Variants in PTH2R observed in about 807,000 individuals in gnomAD.
PTH2R encodes the protein parathyroid hormone 2 receptor.
Under a neutral mutation model 60.3 loss-of-function variants are expected in PTH2R, and 59 were observed. The ratio of observed to expected loss-of-function variants is 0.98; its 90% CI spans 0.79 to 1.22. The LOEUF is 1.22. Ranked by LOEUF, PTH2R falls within the 50% of genes most tolerant of loss-of-function variation. The pLI is 0.00. For synonymous variants in PTH2R, 256 were observed against 243.8 expected (o/e 1.05, Z -0.47); for missense variants, 749 against 682.6 (o/e 1.10, Z -1.08).
At chr2:208,451,727 TCTAA>T (rs1702411332) in intron 8 of PTH2R, among the ~76,000 whole-genome samples, 1 of 152,208 alleles carries the variant, frequency 6.6e-6, no homozygotes, top group Non-Finnish European at 1.5e-5. Flanking sequence ...GGAATTTATC[TCTAA>T]CTGTGAGTCA....
chr2:208,462,938 G>T (rs1046315763), intron 9 of PTH2R, among the ~76,000 whole-genome samples: 1 of 152,192 alleles, frequency 6.6e-6, no homozygotes, highest in African/African-American at 2.4e-5. Context: ...ACAACCAAAG[G>T]TTTAGACATT....
At chr2:208,362,838 GT>G (rs1700504753) in intron 1 of PTH2R, among the ~76,000 whole-genome samples, 1 of 2,898 alleles carries the variant, frequency 3.5e-4, no homozygotes, top group Non-Finnish European at 7.6e-3. Flanking sequence ...ACACTTATTA[GT>G]GTGTGTGTGT....
chr2:208,383,706 C>A (rs1481009351), intron 1 of PTH2R, among the ~76,000 whole-genome samples: 4 of 152,144 alleles, frequency 2.6e-5, no homozygotes, highest in Non-Finnish European at 5.9e-5. Context: ...CGATTACCAG[C>A]CAATAGTTGA....
chr2:208,457,392 A>C (rs894216486), intron 8 of PTH2R, among the ~76,000 whole-genome samples: 3 of 152,236 alleles, frequency 2.0e-5, no homozygotes, highest in Non-Finnish European at 4.4e-5. Context: ...AAGACAATTG[A>C]ATATGTGCAT....
At chr2:208,443,129 G>A (rs1702220101) in intron 5 of PTH2R, among the ~76,000 whole-genome samples, 1 of 152,184 alleles carries the variant, frequency 6.6e-6, no homozygotes, top group African/African-American at 2.4e-5. Flanking sequence ...ATCTAGGGAT[G>A]ATTTAAAGTA....
At chr2:208,445,216 T>A (rs1702265908) in intron 7 of PTH2R, among the ~76,000 whole-genome samples, 1 of 152,190 alleles carries the variant, frequency 6.6e-6, no homozygotes, top group Non-Finnish European at 1.5e-5. Context: ...TTATCAATAA[T>A]TTCATCTTAA....
At chr2:208,436,308 TGA>T (rs1167051055) in intron 2 of PTH2R, among the ~76,000 whole-genome samples, 4 of 152,054 alleles carry the variant, frequency 2.6e-5, no homozygotes, top group Non-Finnish European at 5.9e-5. Context: ...TCTGTCTGAG[TGA>T]GAGGGCAGAC....
intron 1 of PTH2R, among the ~76,000 whole-genome samples, chr2:208,427,217 A>G (rs1039324695): frequency 5.9e-5 from 9 of 152,224 alleles, no homozygotes; most frequent in Admixed American, 4.6e-4. Flanking sequence ...ACTGAAAAAA[A>G]CAGCCAGGAA....
At chr2:208,454,118 C>A (rs1400707754) in intron 8 of PTH2R, among the ~76,000 whole-genome samples, 1 of 151,812 alleles carries the variant, frequency 6.6e-6, no homozygotes, top group East Asian at 1.9e-4. Context: ...CCCCAGTTGT[C>A]TGTGTTTCTC....
intron 1 of PTH2R, among the ~76,000 whole-genome samples, chr2:208,415,286 A>G (rs1701617760): frequency 6.6e-6 from 1 of 152,200 alleles, no homozygotes; most frequent in South Asian, 2.1e-4. Flanking sequence ...AACATTTAAA[A>G]GGGGATTTTA....
At chr2:208,458,853 A>G (rs1387549646) in intron 8 of PTH2R, among the ~76,000 whole-genome samples, 1 of 151,924 alleles carries the variant, frequency 6.6e-6, no homozygotes, top group African/African-American at 2.4e-5. Context: ...TCTGTCATTG[A>G]TGGGGATTGA....
exon 1 of PTH2R, chr2:208,360,113 C>T (rs1363467955): frequency 2.5e-6 from 1 of 397,356 alleles, no homozygotes; most frequent in African/African-American, 2.1e-5. Flanking sequence ...ATTTTTTTCC[C>T]TCGAAAATGA....
intron 1 of PTH2R, among the ~76,000 whole-genome samples, chr2:208,422,874 A>G (rs962764490): frequency 3.9e-5 from 6 of 152,092 alleles, no homozygotes; most frequent in Non-Finnish European, 7.4e-5. Context: ...ATCCCTTCTG[A>G]TGTTCTTTGT....
At chr2:208,385,522 G>A (rs867754435) in intron 1 of PTH2R, among the ~76,000 whole-genome samples, 1 of 152,182 alleles carries the variant, frequency 6.6e-6, no homozygotes. Context: ...AGACTTTGCT[G>A]CACAAAGATC....
intron 1 of PTH2R, among the ~76,000 whole-genome samples, chr2:208,427,997 T>G (rs1701891986): frequency 6.6e-6 from 1 of 152,116 alleles, no homozygotes; most frequent in African/African-American, 2.4e-5. Flanking sequence ...ATGAGATTTT[T>G]TAAAAGGCTA....
intron 1 of PTH2R, among the ~76,000 whole-genome samples, chr2:208,361,833 A>T (rs1700480599): frequency 6.6e-6 from 1 of 150,994 alleles, no homozygotes; most frequent in South Asian, 2.1e-4. Context: ...TTATCCATCC[A>T]TTTTTCTTCA....
At chr2:208,438,444 G>A (rs1702121139) in intron 4 of PTH2R, among the ~76,000 whole-genome samples, 1 of 152,170 alleles carries the variant, frequency 6.6e-6, no homozygotes, top group Non-Finnish European at 1.5e-5. Flanking sequence ...GAGATTAGGT[G>A]TTGGTCAAAG....
In PTH2R at chr2:208,365,741, C is replaced by CTT. The variant is rs776318745; in HGVS notation, c.-259+5519_-259+5520dup. Among the ~76,000 whole-genome samples the CTT allele has an allele frequency of 2.6e-3, 332 of 126,208 alleles. 2 individuals are homozygous for CTT. Among genetic ancestry groups the CTT allele is most frequent in the African/African-American group, 9.3e-3 (316 of 34,094 alleles). 82.8% of individuals were successfully genotyped at this position (126,208 alleles called of 152,430 possible). Reference sequence around the variant, plus strand: ...AGTTTTTGGGGGATTGATGTAAATTCTTTTTTTTTTTTTTTTGGAGACAGG... The same window carrying CTT: ...AGTTTTTGGGGGATTGATGTAAATTCTTTTTTTTTTTTTTTTTTGGAGACAGG... On this transcript the variant is annotated intron_variant, in intron 1 of 12. Coordinates refer to the PTH2R transcript ENST00000617735.
intron 7 of PTH2R, among the ~76,000 whole-genome samples, chr2:208,447,622 TAAA>T (rs1702314906): frequency 6.8e-6 from 1 of 146,928 alleles, no homozygotes; most frequent in Non-Finnish European, 1.5e-5. Flanking sequence ...AATAAATAAA[TAAA>T]TAAATAAATA....
Sources: gnomAD v4.1 joint callset for allele counts (sites outside exome capture counted in the v4.1 genomes callset) on GRCh38, gnomAD v4.1.1 for gene constraint, MANE v1.5 for transcripts, NCBI Gene and HGNC (gene_info 2026-07-23, HGNC 2026-07-21) for gene names.